Variants in STAMBPL1 observed in about 807,000 individuals in gnomAD.
STAMBPL1 encodes AMSH-like protease.
A neutral mutation model predicts 52.9 loss-of-function variants in STAMBPL1; 44 were observed. The observed-to-expected ratio is 0.83, with a 90% CI of 0.65 to 1.07. The LOEUF (loss-of-function observed/expected upper bound fraction) is 1.07. Ranked by LOEUF, STAMBPL1 falls within the 50% of genes least tolerant of loss-of-function variation. The pLI, the probability that STAMBPL1 is intolerant of heterozygous loss-of-function variation, is 0.00. For synonymous variants in STAMBPL1, 164 were observed against 177.3 expected, an observed-to-expected ratio of 0.92 and a Z score of 0.60; for missense variants, 511 against 520.8, an observed-to-expected ratio of 0.98 and a Z score of 0.18.
chr10:88,890,405 GA>G (rs1844649093), intron 1 of STAMBPL1, among the ~76,000 whole-genome samples: 1 of 152,192 alleles, frequency 6.6e-6, no homozygotes, highest in Non-Finnish European at 1.5e-5. Context: ...CAACAACTAG[GA>G]GGCAGTTCTA....
At position 88,913,386 on chromosome 10, in the gene STAMBPL1, AC is replaced by A; in HGVS notation, c.708del (p.Asn237IlefsTer9). On this transcript the variant is annotated frameshift_variant, in exon 6 of 11. Coordinates refer to ENST00000371926, the MANE Select transcript of STAMBPL1 (RefSeq NM_020799.4). LOFTEE classifies it high-confidence loss of function. ...FADQPNKSDA[T>X]NYASHSPPVN... ...AGATCAACCTAATAAAAGTGATGCA[AC>A]CAATTATGCTAGCCACTCTCCTCCT... The A allele has an allele frequency of 6.2e-7, 1 of 1,613,762 alleles. No individual in the cohort carries two copies. Among genetic ancestry groups the A allele is most frequent in the Non-Finnish European group, 8.5e-7 (1 of 1,179,818 alleles).
chr10:88,892,361 T>C lies in STAMBPL1; in HGVS notation c.-53-9295T>C, dbSNP rs866818154. Among the ~76,000 whole-genome samples the C allele has an allele frequency of 1.7e-3, 264 of 151,958 alleles. 1 individual carries two copies. The highest frequency in any genetic ancestry group is 6.1e-3 in the African/African-American group (251 of 41,408). ...CTGTGTGTGTGCGTGTGCGTGTGTG[T>C]GTGTGTGTGTGTGTGTGGCCAGCAC... On this transcript the variant is annotated intron_variant, in intron 1 of 10. Coordinates refer to ENST00000371926, the MANE Select transcript of STAMBPL1 (RefSeq NM_020799.4).
chr10:88,906,978 T>C (rs1845090912), intron 3 of STAMBPL1, among the ~76,000 whole-genome samples: 1 of 152,158 alleles, frequency 6.6e-6, no homozygotes, highest in South Asian at 2.1e-4. Context: ...TTATTCCTCC[T>C]GTCTAACTGA....
chr10:88,908,787 G>A lies in STAMBPL1; in HGVS notation c.324+10G>A. 1 of 1,595,904 alleles carries A rather than the reference G, an allele frequency of 6.3e-7. No homozygotes were observed. Among genetic ancestry groups the A allele is most frequent in the Non-Finnish European group, 8.5e-7 (1 of 1,172,208 alleles). On this transcript the variant is annotated intron_variant, in intron 4 of 10. Coordinates refer to ENST00000371926, the MANE Select transcript of STAMBPL1 (RefSeq NM_020799.4). ...GCAGGATATTATGAAGGTATTGTGG[G>A]TTTTCTTCTCCACTGTGGAATCAAA...
chr10:88,886,567 C>T (rs1361958585), intron 1 of STAMBPL1, among the ~76,000 whole-genome samples: 1 of 151,848 alleles, frequency 6.6e-6, no homozygotes, highest in Non-Finnish European at 1.5e-5. Flanking sequence ...AGTGGCATCA[C>T]AGTAACTAAA....
rs757952991 is a variant in STAMBPL1, at chr10:88,910,975, A to G, written c.384A>G (p.Lys128=). ...TDELKNDLLK[K]YNVEYQEYLQ... is the part of the protein sequence containing the mutation. Reference sequence around the variant, plus strand: ...AATTGAAAAACGACCTTTTAAAGAAATATAACGTAGAATACCAAGAATATT... The same window carrying G: ...AATTGAAAAACGACCTTTTAAAGAAGTATAACGTAGAATACCAAGAATATT... Residue 128 remains lysine, a synonymous_variant, in exon 5 of 11, where the codon AAA becomes AAG. Transcript: ENST00000371926. 5 of 1,596,050 alleles carry G rather than the reference A, an allele frequency of 3.1e-6. No homozygotes were observed. The highest frequency in any genetic ancestry group is 4.3e-6 in the Non-Finnish European group (5 of 1,173,968).
Position 88,914,678 on chromosome 10 carries a change from AT to A in STAMBPL1, c.903+21del. The A allele has an allele frequency of 1.7e-6, 1 of 594,338 alleles. No individual in the cohort carries two copies. 36.8% of individuals were successfully genotyped at this position (594,338 alleles called of 1,614,324 possible). A position where few individuals can be genotyped will look rare whatever the true frequency, so the allele number is the denominator to read the frequency against. ...AAACTGGTATGATCTTTTTATATAA[AT>A]ATATATATATATATATCTGCATAGG... On this transcript the variant is annotated intron_variant, in intron 7 of 10. Transcript: ENST00000371926.
At chr10:88,906,558 T>C (rs1845079926) in intron 3 of STAMBPL1, among the ~76,000 whole-genome samples, 1 of 152,248 alleles carries the variant, frequency 6.6e-6, no homozygotes, top group African/African-American at 2.4e-5. Context: ...GATACATATA[T>C]GCTTATATTG....
At chr10:88,921,556 G>T (rs1250309814) in intron 9 of STAMBPL1, among the ~76,000 whole-genome samples, 161 bp downstream of exon 9, 1 of 152,196 alleles carries the variant, frequency 6.6e-6, no homozygotes, top group Non-Finnish European at 1.5e-5. Flanking sequence ...CTATAGCTCT[G>T]CAGTTTAAGG....
intron 1 of STAMBPL1, among the ~76,000 whole-genome samples, chr10:88,881,788 A>G (rs1844412466): frequency 6.6e-6 from 1 of 152,186 alleles, no homozygotes; most frequent in Non-Finnish European, 1.5e-5. Context: ...TTGTGTTTTC[A>G]GGATGGATGC....
chr10:88,891,688 C>G (rs1008291452), intron 1 of STAMBPL1, among the ~76,000 whole-genome samples: 5 of 152,028 alleles, frequency 3.3e-5, no homozygotes, highest in Non-Finnish European at 7.4e-5. Flanking sequence ...AAATGCATAA[C>G]TCTCATTGTT....
rs1466728860 is a variant in STAMBPL1 at position 88,922,421 on chromosome 10, G to T, written c.1239G>T (p.Glu413Asp). 6.2e-7 allele frequency: 1 copy of T among 1,613,036 alleles called. No homozygotes were observed. Among genetic ancestry groups the T allele is most frequent in the Non-Finnish European group, 8.5e-7 (1 of 1,179,494 alleles). ...KKKGFHPHTK[E>D]PRLFSICKHV... ...AGGGCTTTCATCCACACACCAAGGA[G>T]CCCAGGCTGTTCAGTGTGAGTACAT... The change falls in exon 10 of 11, where the codon GAG (glutamate) becomes GAT (aspartate). Residue 413 changes from glutamate to aspartate, a missense_variant. Physicochemically the swap from Glu to Asp is conservative, Grantham distance 45. Transcript: ENST00000371926.
Position 88,884,916 on chromosome 10 carries a change from C to T in STAMBPL1, c.-54+4278C>T, listed in dbSNP as rs555181162. On this transcript the variant is annotated intron_variant, in intron 1 of 10. Coordinates refer to ENST00000371926, the MANE Select transcript of STAMBPL1 (RefSeq NM_020799.4). ...CAGTTTCCTTGCTTTTCAATTGAAA[C>T]GTTAGTTTCTATCTCAGAAGGTTTT... is the stretch of plus-strand genomic sequence containing the variant. Among the ~76,000 whole-genome samples the T allele has an allele frequency of 4.5e-4, 68 of 152,228 alleles. 1 individual carries two copies. The highest frequency in any genetic ancestry group is 1.5e-3 in the African/African-American group (64 of 41,536).
intron 1 of STAMBPL1, among the ~76,000 whole-genome samples, chr10:88,897,029 T>C (rs1589359868): frequency 1.3e-5 from 2 of 152,230 alleles, no homozygotes; most frequent in Admixed American, 6.5e-5. Context: ...CTCTTCCATG[T>C]TTCCATGGGG....
rs777374811 is a variant in STAMBPL1 at position 88,908,695 on chromosome 10, T to C, written c.249-7T>C. ...ATAATGCTAAGGACATGTTTTCTCT[T>C]CCTTAGCTTATTTGTAGAAAAGCTT... On this transcript the variant is annotated splice_polypyrimidine_tract_variant and splice_region_variant and intron_variant, in intron 3 of 10. Transcript: ENST00000371926. The C allele has an allele frequency of 1.9e-5, 30 of 1,608,500 alleles. No homozygotes were observed. The highest frequency in any genetic ancestry group is 1.7e-4 in the Admixed American group (10 of 58,460).
At chr10:88,906,487 A>C (rs1845078125) in intron 3 of STAMBPL1, among the ~76,000 whole-genome samples, 1 of 152,174 alleles carries the variant, frequency 6.6e-6, no homozygotes, top group Non-Finnish European at 1.5e-5. Context: ...CTTATTATTT[A>C]TTAATTTTAT....
At chr10:88,905,419 A>C in intron 2 of STAMBPL1, 24 bp from the exon 3 acceptor site, 1 of 1,574,766 alleles carries the variant, frequency 6.4e-7, no homozygotes, top group Non-Finnish European at 8.7e-7. Context: ...ACAGTTAATC[A>C]GAGATTTAAA....
intron 3 of STAMBPL1, 24 bp from the exon 4 acceptor site, chr10:88,908,671 TAATGCTA>T: frequency 1.9e-6 from 3 of 1,578,378 alleles, no homozygotes; most frequent in Non-Finnish European, 1.7e-6. Context: ...TGCTGTCACA[TAATGCTA>T]AGGACATGTT....
intron 4 of STAMBPL1, among the ~76,000 whole-genome samples, chr10:88,909,746 AC>A (rs1387252526): frequency 6.6e-6 from 1 of 151,992 alleles, no homozygotes; most frequent in East Asian, 1.9e-4. Context: ...GATTACAGGC[AC>A]CTGCCACCAT....
Sources: allele counts gnomAD v4.1 joint callset (sites outside exome capture counted in the v4.1 genomes callset), GRCh38; gene constraint gnomAD v4.1.1; transcripts MANE v1.5; gene names NCBI Gene and HGNC (gene_info 2026-07-23, HGNC 2026-07-21).